Variants in LIFR observed in about 807,000 individuals in gnomAD.
LIFR encodes the protein LIF receptor subunit alpha.
Under a neutral mutation model 122.2 loss-of-function variants are expected in LIFR, and 84 were observed. The ratio of observed to expected loss-of-function variants is 0.69; its 90% CI spans 0.58 to 0.82. The LOEUF is 0.82. Ranked by LOEUF, LIFR falls within the 40% of genes least tolerant of loss-of-function variation. The probability of loss-of-function intolerance (pLI) is 0.00; values close to 1 mark genes in which losing one functional copy is unlikely to be tolerated. For missense variants in LIFR, 1,294 were observed against 1,311.6 expected (o/e 0.99, Z 0.21); for synonymous variants, 422 against 434.7 (o/e 0.97, Z 0.36).
At chr5:38,516,382 C>T (rs1038355568) in intron 5 of LIFR, among the ~76,000 whole-genome samples, 2 of 152,132 alleles carry the variant, frequency 1.3e-5, no homozygotes, top group Non-Finnish European at 2.9e-5. Flanking sequence ...AATCAAACAA[C>T]CCCATCAAAA....
In LIFR at chr5:38,582,122, A is replaced by G. The variant is rs530617799; in HGVS notation, c.-20+13139T>C. Among the ~76,000 whole-genome samples the G allele has an allele frequency of 1.7e-4, 25 of 149,334 alleles. No homozygotes were observed. In the South Asian group the frequency reaches 5.3e-3, roughly 31 times the overall value. ...GTTGCCCAGGCTGAAGTGCAGTCTC[A>G]TGATCATAGATCACTGCAGCCTCGA... On this transcript the variant is annotated intron_variant, in intron 1 of 19. Coordinates refer to the LIFR transcript ENST00000263409.
intron 3 of LIFR, among the ~76,000 whole-genome samples, chr5:38,528,490 C>T (rs1746811229): frequency 6.6e-6 from 1 of 152,066 alleles, no homozygotes; most frequent in South Asian, 2.1e-4. Context: ...TCTTATCTAC[C>T]AGATCTGCAC....
At chr5:38,597,293 T>C (rs10512688), upstream of LIFR, among the ~76,000 whole-genome samples, 6,406 of 152,262 alleles carry the variant, frequency 0.042, 448 homozygotes, top group African/African-American at 0.15. Context: ...TGTAATGAGA[T>C]TATGAACTTA....
At chr5:38,577,041 CACAA>C (rs1454639750) in intron 1 of LIFR, among the ~76,000 whole-genome samples, 1 of 152,188 alleles carries the variant, frequency 6.6e-6, no homozygotes, top group Non-Finnish European at 1.5e-5. Context: ...ACACTGATGA[CACAA>C]ACAGATATTG....
chr5:38,559,682 G>GT (rs1390369666), upstream of LIFR, among the ~76,000 whole-genome samples: 3 of 152,182 alleles, frequency 2.0e-5, no homozygotes, highest in Non-Finnish European at 4.4e-5. Context: ...ATGAAACAGA[G>GT]TAAGTCACAA....
In LIFR at chr5:38,567,546, T is replaced by TTTA. The variant is rs1561215423; in HGVS notation, c.-20+27714_-20+27715insTAA. ...TATTTATTTATTTATTTATTTATTTTGAAGACTGAGTCTCACTCTGTTGCC... is the reference window on the plus strand; with the variant it reads ...TATTTATTTATTTATTTATTTATTTTTTAGAAGACTGAGTCTCACTCTGTTGCC... On this transcript the variant is annotated intron_variant, in intron 1 of 19. Coordinates refer to the LIFR transcript ENST00000263409. 8.4e-4 allele frequency among the ~76,000 whole-genome samples: 26 copies of TTTA among 30,946 alleles called. 1 individual carries two copies. The East Asian group carries it at 0.036, about 43-fold the overall frequency. The allele number at this position is 30,946 out of a possible 152,430, so 20.3% of individuals were successfully genotyped here.
chr5:38,597,612 G>A (rs1454999102), upstream of LIFR, among the ~76,000 whole-genome samples: 15 of 152,188 alleles, frequency 9.9e-5, no homozygotes, highest in Admixed American at 9.8e-4. Flanking sequence ...CAAAGGCAGA[G>A]GCCAGGGATG....
At chr5:38,505,110 T>A (rs1422270826) in intron 9 of LIFR, among the ~76,000 whole-genome samples, 2 of 151,752 alleles carry the variant, frequency 1.3e-5, no homozygotes, top group East Asian at 1.9e-4. Context: ...CAATCAGTAA[T>A]AAAAGGGACG....
chr5:38,518,340 T>C lies in LIFR; in HGVS notation c.561+5079A>G, dbSNP rs190735379. ...AAAGTCTTCCTGTGACTCTGTATCATCTGTAAAATGGGAATAATAATAGTA... is the reference window on the plus strand; with the variant it reads ...AAAGTCTTCCTGTGACTCTGTATCACCTGTAAAATGGGAATAATAATAGTA... On this transcript the variant is annotated intron_variant, in intron 5 of 19. Transcript: ENST00000453190. Among the ~76,000 whole-genome samples, 1,039 of 152,250 alleles carry C rather than the reference T, an allele frequency of 6.8e-3. 4 individuals are homozygous for C. The highest frequency in any genetic ancestry group is 0.012 in the Non-Finnish European group (828 of 68,012).
chr5:38,574,115 C>CA (rs1224159139), intron 1 of LIFR, among the ~76,000 whole-genome samples: 1 of 151,530 alleles, frequency 6.6e-6, no homozygotes, highest in African/African-American at 2.4e-5. Flanking sequence ...GACTCCATCT[C>CA]AAAAAAACAC....
At chr5:38,565,386 A>C (rs1171783067) in intron 1 of LIFR, among the ~76,000 whole-genome samples, 1 of 152,148 alleles carries the variant, frequency 6.6e-6, no homozygotes, top group African/African-American at 2.4e-5. Context: ...TAATTTAGGC[A>C]AAAAGGGAAG....
intron 1 of LIFR, among the ~76,000 whole-genome samples, chr5:38,548,263 C>A (rs932601447): frequency 6.6e-6 from 1 of 152,204 alleles, no homozygotes; most frequent in African/African-American, 2.4e-5. Context: ...TATTCTCACA[C>A]TTGTGTAATG....
rs778669729 is a variant in LIFR, at chr5:38,481,857, G to A, written c.3032C>T (p.Ser1011Phe). ...YKPQMHLPINSTVEDIAAEED... is the reference protein window; with the variant it reads ...YKPQMHLPINFTVEDIAAEED... ...TTCTGCAGCTATATCTTCCACAGTA[G>A]AATTAATGGGGAGGTGCATCTGTGG... Residue 1011 changes from serine (S) to phenylalanine (F), a missense_variant, in exon 20 of 20, where the codon TCT becomes TTT. Coordinates refer to ENST00000453190, the MANE Select transcript of LIFR (RefSeq NM_001127671.2). 6.2e-7 allele frequency: 1 copy of A among 1,614,168 alleles called. No homozygotes were observed. The highest frequency in any genetic ancestry group is 1.7e-5 in the Admixed American group (1 of 60,024).
intron 1 of LIFR, among the ~76,000 whole-genome samples, chr5:38,564,902 T>C (rs958481902): frequency 1.3e-5 from 2 of 151,640 alleles, no homozygotes; most frequent in Non-Finnish European, 2.9e-5. Flanking sequence ...GCCTGCCGAG[T>C]AGCTGGGATT....
At chr5:38,526,733 G>C (rs532738198) in intron 4 of LIFR, among the ~76,000 whole-genome samples, 11 of 151,990 alleles carry the variant, frequency 7.2e-5, no homozygotes, top group South Asian at 2.1e-4. Flanking sequence ...TATTTATAAT[G>C]CTACCAATAC....
At position 38,603,452 on chromosome 5, in the gene LIFR, C is replaced by T. The variant is rs140561037; in HGVS notation, n.305+2753G>A. ...TTGGAAAAACTGCATATTCACATTA[C>T]CTGTGAGCTCAGAGAAGTCTTTCAG... On this transcript the variant is annotated intron_variant and non_coding_transcript_variant, in intron 2 of 3. Coordinates refer to the LIFR transcript ENST00000507786. 8.6e-3 allele frequency among the ~76,000 whole-genome samples: 1,308 copies of T among 152,310 alleles called. 9 individuals carry two copies. Among genetic ancestry groups the T allele is most frequent in the Admixed American group, 0.014 (209 of 15,294 alleles).
At chr5:38,607,491 T>C (rs1322220330) in intron 1 of LIFR, 1 of 148,724 alleles carries the variant, frequency 6.7e-6, no homozygotes, top group African/African-American at 2.5e-5. Flanking sequence ...TTTTGCTCTC[T>C]CTCTCACTCT....
chr5:38,523,345 C>CTA, intron 5 of LIFR, 74 bp downstream of exon 5: 1 of 1,212,586 alleles, frequency 8.2e-7, no homozygotes, highest in Non-Finnish European at 1.2e-6. Flanking sequence ...TCACTGATAC[C>CTA]ACCTTAAGGC....
At position 38,480,325 on chromosome 5, in the gene LIFR, G is replaced by C; in HGVS notation, c.*1270C>G. ...ACATCGCTTATGAGAAACAAGGGTG[G>C]GCAGAGGATGCTGTGCTGAAGGCAA... On this transcript the variant is annotated 3_prime_UTR_variant, in exon 20 of 20. Transcript: ENST00000453190. 1 of 227,598 alleles carries C rather than the reference G, an allele frequency of 4.4e-6. No homozygotes were observed. The highest frequency in any genetic ancestry group is 1.8e-4 in the South Asian group (1 of 5,472). The allele number at this position is 227,598 out of a possible 1,614,324, so 14.1% of individuals were successfully genotyped here.
Sources: gnomAD v4.1 joint callset for allele counts (sites outside exome capture counted in the v4.1 genomes callset) on GRCh38, gnomAD v4.1.1 for gene constraint, MANE v1.5 for transcripts, NCBI Gene and HGNC (gene_info 2026-07-23, HGNC 2026-07-21) for gene names.